Variants in MYRIP observed in about 807,000 individuals in gnomAD.
MYRIP encodes rab effector MyRIP.
MYRIP carries 49 observed loss-of-function variants against 98.0 expected under a neutral mutation model. That is an observed-to-expected ratio of 0.50 (90% CI 0.40 to 0.63). MYRIP has a LOEUF of 0.63. Among genes scored for constraint, MYRIP ranks in the 30% least tolerant of loss-of-function variants. The probability of loss-of-function intolerance (pLI) is 0.00; values close to 1 mark genes in which losing one functional copy is unlikely to be tolerated. For synonymous variants in MYRIP, 404 were observed against 409.5 expected (o/e 0.99, Z 0.16); for missense variants, 1,004 against 1,058.2 (o/e 0.95, Z 0.71).
intron 10 of MYRIP, among the ~76,000 whole-genome samples, chr3:40,197,249 G>T (rs1951416928): frequency 6.6e-6 from 1 of 152,124 alleles, no homozygotes; most frequent in Non-Finnish European, 1.5e-5. Flanking sequence ...GCTACTCTGA[G>T]AATCTAATGC....
intron 3 of MYRIP, among the ~76,000 whole-genome samples, chr3:40,054,373 GT>G (rs1947844761): frequency 6.6e-6 from 1 of 152,050 alleles, no homozygotes; most frequent in Non-Finnish European, 1.5e-5. Flanking sequence ...ATCACCATAG[GT>G]TTTTATTAAC....
chr3:39,838,717 G>T (rs1941702466), intron 1 of MYRIP, among the ~76,000 whole-genome samples: 1 of 152,058 alleles, frequency 6.6e-6, no homozygotes, highest in Non-Finnish European at 1.5e-5. Context: ...GATGATTCTG[G>T]TCTCATAAAA....
chr3:40,209,963 T>C lies in MYRIP; in HGVS notation c.1775T>C (p.Met592Thr), dbSNP rs1415579679. The change falls in exon 11 of 17, where the codon ATG becomes ACG. Residue 592 changes from methionine (M) to threonine (T), a missense_variant. Physicochemically the swap from Met to Thr is moderately conservative, Grantham distance 81. Transcript: ENST00000302541. Reference protein sequence around the residue: ...KRRNRLYELAMKMSEKETSSG... With the variant: ...KRRNRLYELATKMSEKETSSG... The stretch of plus-strand genomic sequence containing the variant: ...AGAAACAGGCTGTACGAGTTAGCAA[T>C]GAAAATGAGTGAAAAGGAGACTTCT... 6.2e-7 allele frequency: 1 copy of C among 1,613,754 alleles called. No homozygotes were observed. The highest frequency in any genetic ancestry group is 1.3e-5 in the African/African-American group (1 of 74,826).
At chr3:40,072,097 G>A (rs1948243803) in intron 3 of MYRIP, among the ~76,000 whole-genome samples, 1 of 152,214 alleles carries the variant, frequency 6.6e-6, no homozygotes, top group East Asian at 1.9e-4. Context: ...TGGCTCAGGG[G>A]CCGGATGCAG....
chr3:40,032,581 A>C (rs1055934334), intron 2 of MYRIP, among the ~76,000 whole-genome samples: 4 of 152,258 alleles, frequency 2.6e-5, no homozygotes, highest in Admixed American at 2.0e-4. Flanking sequence ...AATAATCAAT[A>C]GCTTACCAAC....
Position 39,969,423 on chromosome 3 carries a change from G to A in MYRIP, c.110+68497G>A, listed in dbSNP as rs187164537. Among the ~76,000 whole-genome samples, 225 of 151,978 alleles carry A rather than the reference G, an allele frequency of 1.5e-3. 1 individual carries two copies. Among genetic ancestry groups the A allele is most frequent in the African/African-American group, 5.3e-3 (219 of 41,510 alleles). ...CTAGTTTTCAAGGGAAATGTTTCCA[G>A]CTTTTGCCCATTCAGTATAATGTTG... On this transcript the variant is annotated intron_variant, in intron 2 of 16. Coordinates refer to ENST00000302541, the MANE Select transcript of MYRIP (RefSeq NM_015460.4).
At chr3:39,896,569 G>A (rs956362117) in intron 1 of MYRIP, among the ~76,000 whole-genome samples, 5 of 152,266 alleles carry the variant, frequency 3.3e-5, no homozygotes, top group African/African-American at 9.6e-5. Flanking sequence ...TTTCTCTATA[G>A]TTGTAAGAAA....
At chr3:40,033,863 T>C (rs62261776) in intron 2 of MYRIP, among the ~76,000 whole-genome samples, 55,104 of 151,594 alleles carry the variant, frequency 0.36, 10,070 homozygotes, top group Middle Eastern at 0.4. Flanking sequence ...GGTACTGGTA[T>C]CAAAACAGAG....
chr3:39,828,666 T>A (rs1041567013), intron 1 of MYRIP, among the ~76,000 whole-genome samples: 2 of 152,194 alleles, frequency 1.3e-5, no homozygotes, highest in Admixed American at 6.5e-5. Context: ...AAGCCTATTG[T>A]ATCATTCTTA....
intron 1 of MYRIP, among the ~76,000 whole-genome samples, chr3:39,819,886 A>G (rs890369334): frequency 3.3e-5 from 5 of 152,236 alleles, no homozygotes; most frequent in African/African-American, 1.2e-4. Flanking sequence ...TTCAATCATT[A>G]TCTTCCCTAG....
chr3:39,969,301 GATC>G (rs1318460816), intron 2 of MYRIP, among the ~76,000 whole-genome samples: 1 of 151,990 alleles, frequency 6.6e-6, no homozygotes, highest in Non-Finnish European at 1.5e-5. Context: ...TTCCTATTTG[GATC>G]CCCTTTATTT....
chr3:40,058,933 AG>A (rs1424013454), intron 3 of MYRIP, among the ~76,000 whole-genome samples: 1 of 91,032 alleles, frequency 1.1e-5, no homozygotes, highest in Non-Finnish European at 2.3e-5. Context: ...TCCCTCCCCT[AG>A]CCCCCCACCC....
intron 1 of MYRIP, among the ~76,000 whole-genome samples, chr3:39,847,417 T>C (rs932929795): frequency 2.6e-5 from 4 of 152,202 alleles, no homozygotes; most frequent in African/African-American, 9.6e-5. Context: ...CTTCTCTTCA[T>C]GTTCATAACA....
chr3:39,913,925 A>G lies in MYRIP; in HGVS notation c.110+12999A>G, dbSNP rs1296748517. On this transcript the variant is annotated intron_variant, in intron 2 of 16. Coordinates refer to ENST00000302541, the MANE Select transcript of MYRIP (RefSeq NM_015460.4). ...TTCACACCACACTCAACATTGTTCTATCAGCAGATTAGCTTCTTATGAAAT... is the reference window on the plus strand; with the variant it reads ...TTCACACCACACTCAACATTGTTCTGTCAGCAGATTAGCTTCTTATGAAAT... 2.6e-5 allele frequency among the ~76,000 whole-genome samples: 4 copies of G among 152,352 alleles called. No homozygotes were observed. In the East Asian group the frequency reaches 5.8e-4, roughly 22 times the overall value.
intron 2 of MYRIP, among the ~76,000 whole-genome samples, chr3:39,938,786 T>C (rs1275624573): frequency 6.6e-6 from 1 of 152,158 alleles, no homozygotes; most frequent in Non-Finnish European, 1.5e-5. Context: ...ATTATAGGCA[T>C]GCACCACCAA....
chr3:39,852,534 C>T (rs1347752161), intron 1 of MYRIP, among the ~76,000 whole-genome samples: 1 of 143,528 alleles, frequency 7.0e-6, no homozygotes, highest in East Asian at 1.9e-4. Context: ...TATTTCATCA[C>T]CCCACTCCCC....
At chr3:40,087,224 C>G (rs1311180974) in intron 3 of MYRIP, among the ~76,000 whole-genome samples, 1 of 152,090 alleles carries the variant, frequency 6.6e-6, no homozygotes, top group African/African-American at 2.4e-5. Flanking sequence ...TGCCCTTGGA[C>G]AAAGCTCCAA....
chr3:40,210,527 A>G (rs981411058), intron 11 of MYRIP, among the ~76,000 whole-genome samples: 1 of 152,140 alleles, frequency 6.6e-6, no homozygotes, highest in Non-Finnish European at 1.5e-5. Flanking sequence ...GCTCCATGCT[A>G]TGGAGCCTCT....
At chr3:40,158,615 T>C (rs1950301497) in intron 4 of MYRIP, among the ~76,000 whole-genome samples, 1 of 152,166 alleles carries the variant, frequency 6.6e-6, no homozygotes. Context: ...CTCCCATTAT[T>C]ATTGTTTGGG....
Sources: gnomAD v4.1 joint callset for allele counts (sites outside exome capture counted in the v4.1 genomes callset) on GRCh38, gnomAD v4.1.1 for gene constraint, MANE v1.5 for transcripts, NCBI Gene and HGNC (gene_info 2026-07-23, HGNC 2026-07-21) for gene names.